ICA1L: variants seen among roughly 807,000 people sequenced by gnomAD.
ICA1L encodes islet cell autoantigen 1 like, also known as islet cell autoantigen 1-like protein.
Under a neutral mutation model 61.3 loss-of-function variants are expected in ICA1L, and 50 were observed. That is an observed-to-expected ratio of 0.82 (90% CI 0.65 to 1.03). ICA1L has a LOEUF of 1.03. ICA1L is among the 50% of genes least tolerant of loss of function. The pLI, the probability that ICA1L is intolerant of heterozygous loss-of-function variation, is 0.00. For synonymous variants in ICA1L, 161 were observed against 191.3 expected, an observed-to-expected ratio of 0.84 and a Z score of 1.31; for missense variants, 508 against 556.7, an observed-to-expected ratio of 0.91 and a Z score of 0.88.
chr2:202,803,380 G>A (rs1283866533), intron 9 of ICA1L, among the ~76,000 whole-genome samples: 48 of 123,338 alleles, frequency 3.9e-4, no homozygotes, highest in African/African-American at 1.2e-3. Flanking sequence ...CAGCCTGGGC[G>A]ACAGAGCAAG....
Position 202,821,475 on chromosome 2 carries a change from G to A in ICA1L, c.242C>T (p.Ser81Leu). 1 of 1,603,068 alleles carries A rather than the reference G, an allele frequency of 6.2e-7. No homozygotes were observed. Among genetic ancestry groups the A allele is most frequent in the Admixed American group, 1.7e-5 (1 of 58,042 alleles). ...EKYQLRLNVI[S>L]EEENELGLFL... ...GAGCCCTAGCTCATTTTCTTCCTCT[G>A]ATATAACTAGGAAAAAAATTACAGT... Residue 81 changes from serine to leucine, a missense_variant, in exon 4 of 13, where the codon TCA becomes TTA. Physicochemically the swap from Ser to Leu is moderately radical, Grantham distance 145. Coordinates refer to ENST00000358299, the MANE Select transcript of ICA1L (RefSeq NM_001288622.3).
chr2:202,798,855 A>G (rs898113890), intron 9 of ICA1L, among the ~76,000 whole-genome samples: 1 of 152,172 alleles, frequency 6.6e-6, no homozygotes, highest in Non-Finnish European at 1.5e-5. Context: ...GCTCCCACAT[A>G]TAAGTGAGAA....
chr2:202,815,374 G>A (rs1435593303), intron 7 of ICA1L, among the ~76,000 whole-genome samples: 1 of 152,104 alleles, frequency 6.6e-6, no homozygotes, highest in Non-Finnish European at 1.5e-5. Flanking sequence ...AAGCTTTACT[G>A]AAAATATGGC....
In ICA1L at chr2:202,776,440, A is replaced by G. The variant is rs1296324998; in HGVS notation, c.*3093T>C. The G allele has an allele frequency of 2.0e-5, 3 of 152,206 alleles. No individual in the cohort carries two copies. Among genetic ancestry groups the G allele is most frequent in the Admixed American group, 6.5e-5 (1 of 15,278 alleles). The allele number at this position is 152,206 out of a possible 1,614,324, so 9.4% of individuals were successfully genotyped here. ...AGCCTACCATTGGTTAAGGATAATT[A>G]ATTTACTTCTTATTGAATGGATTAT... On this transcript the variant is annotated 3_prime_UTR_variant, in exon 13 of 13. Transcript: ENST00000358299.
intron 1 of ICA1L, among the ~76,000 whole-genome samples, chr2:202,846,256 C>CTTT (rs145953471): frequency 8.1e-5 from 12 of 147,972 alleles, no homozygotes; most frequent in South Asian, 2.1e-4. Flanking sequence ...TTCTTTCTTT[C>CTTT]TTTTTTTTTT....
intron 11 of ICA1L, 110 bp downstream of exon 11, chr2:202,788,720 G>A (rs1692661636): frequency 5.5e-6 from 6 of 1,091,188 alleles, no homozygotes; most frequent in African/African-American, 1.6e-5. Flanking sequence ...ATCTAGTAGT[G>A]CTGACATTAA....
chr2:202,841,492 G>C (rs920603868), intron 1 of ICA1L: 16 of 776,536 alleles, frequency 2.1e-5, no homozygotes, highest in Non-Finnish European at 3.0e-5. Flanking sequence ...GTTGTTGAGG[G>C]TCCTTCTCCT....
chr2:202,822,733 T>A (rs1693732989), intron 3 of ICA1L, among the ~76,000 whole-genome samples: 1 of 152,200 alleles, frequency 6.6e-6, no homozygotes, highest in Non-Finnish European at 1.5e-5. Flanking sequence ...GAAAGGGAAG[T>A]GTCTGGCTAC....
rs776459487 is a variant in ICA1L at position 202,788,856 on chromosome 2, C to G, written c.1217G>C (p.Gly406Ala). ...RFLPSQLFDL[G>A]FHVAGAFNNW... ...GTTGAACGCTCCAGCCACATGAAAGCCAAGGTCAAAGAGTTGTGAAGGAAG... is the reference window on the plus strand; with the variant it reads ...GTTGAACGCTCCAGCCACATGAAAGGCAAGGTCAAAGAGTTGTGAAGGAAG... The change falls in exon 11 of 13, where the codon GGC becomes GCC. Residue 406 changes from glycine (G) to alanine (A), a missense_variant. Transcript: ENST00000358299. 1.2e-6 allele frequency: 2 copies of G among 1,613,994 alleles called. No homozygotes were observed. The highest frequency in any genetic ancestry group is 2.2e-5 in the South Asian group (2 of 91,064).
intron 9 of ICA1L, among the ~76,000 whole-genome samples, chr2:202,798,802 A>G (rs1693011405): frequency 6.6e-6 from 1 of 152,072 alleles, no homozygotes; most frequent in Non-Finnish European, 1.5e-5. Context: ...CCAGTCTTTT[A>G]TCTATTTTTC....
At chr2:202,841,858 C>CT in intron 1 of ICA1L, 8 of 249,234 alleles carry the variant, frequency 3.2e-5, no homozygotes, top group East Asian at 2.1e-4. Flanking sequence ...GCTTCTTGGT[C>CT]TATTTTTTTT....
chr2:202,864,000 T>C (rs1205638892), intron 1 of ICA1L, among the ~76,000 whole-genome samples: 1 of 152,178 alleles, frequency 6.6e-6, no homozygotes, highest in Non-Finnish European at 1.5e-5. Context: ...GAAAGAATCA[T>C]CCATATTATC....
intron 9 of ICA1L, among the ~76,000 whole-genome samples, chr2:202,807,683 C>A (rs144505847): frequency 6.6e-6 from 1 of 151,952 alleles, no homozygotes; most frequent in African/African-American, 2.4e-5. Context: ...CAATCCCAGG[C>A]AGTGCAGCTT....
rs1692673481 is a variant in ICA1L, at chr2:202,789,095, G to A, written c.986-8C>T. The A allele has an allele frequency of 1.3e-6, 2 of 1,589,720 alleles. No homozygotes were observed. Among genetic ancestry groups the A allele is most frequent in the African/African-American group, 1.4e-5 (1 of 73,140 alleles). ...CAGGTAGATCTTTTGCAACTATTGA[G>A]TGTAAATAAAAACAGAAAGGCTTTT... On this transcript the variant is annotated splice_region_variant and splice_polypyrimidine_tract_variant and intron_variant, in intron 10 of 12. Transcript: ENST00000358299.
At position 202,812,572 on chromosome 2, in the gene ICA1L, G is replaced by A. The variant is rs902350129; in HGVS notation, c.867-783C>T. Among the ~76,000 whole-genome samples the A allele has an allele frequency of 4.0e-5, 6 of 151,458 alleles. No homozygotes were observed. In the South Asian group the frequency reaches 6.2e-4, roughly 16 times the overall value. On this transcript the variant is annotated intron_variant, in intron 8 of 12. Coordinates refer to ENST00000358299, the MANE Select transcript of ICA1L (RefSeq NM_001288622.3). ...AGCCTGGGTGACAGGGCAAGACTCC[G>A]TCTCAAACAAAAAAAAAAAGAAATT...
In ICA1L at chr2:202,849,592, T is replaced by C. The variant is rs1032473580; in HGVS notation, c.-7-20576A>G. On this transcript the variant is annotated intron_variant, in intron 1 of 12. Transcript: ENST00000358299. This position sits in a 1 kb window ranked among gnomAD's most constrained non-coding sequence, Gnocchi z 4.5. ...ACTGCCTCTCTAGACTCCTCCTCAC[T>C]GGGCAGGGCATCTCTGAAAGAAAGG... is the stretch of plus-strand genomic sequence containing the variant. 3.3e-5 allele frequency among the ~76,000 whole-genome samples: 5 copies of C among 152,292 alleles called. No individual in the cohort carries two copies. The highest frequency in any genetic ancestry group is 6.5e-5 in the Admixed American group (1 of 15,294).
intron 5 of ICA1L, among the ~76,000 whole-genome samples, chr2:202,818,819 G>A (rs940275365): frequency 6.6e-6 from 1 of 152,050 alleles, no homozygotes; most frequent in Non-Finnish European, 1.5e-5. Flanking sequence ...CCCAGTCTTG[G>A]GTATGTCTTT....
rs1046769644 is a variant in ICA1L at position 202,774,550 on chromosome 2, A to G, written c.*4983T>C. On this transcript the variant is annotated 3_prime_UTR_variant, in exon 13 of 13. Transcript: ENST00000358299. ...ATCACAGGAGAGACACAGGAAAAAA[A>G]GTTGTAATATACTCACAGGTCCTAG... 1 of 397,340 alleles carries G rather than the reference A, an allele frequency of 2.5e-6. No homozygotes were observed. Among genetic ancestry groups the G allele is most frequent in the African/African-American group, 2.2e-5 (1 of 46,270 alleles). The allele number at this position is 397,340 out of a possible 1,614,324, so 24.6% of individuals were successfully genotyped here.
At chr2:202,807,510 G>A (rs546737777) in intron 9 of ICA1L, among the ~76,000 whole-genome samples, 1 of 152,312 alleles carries the variant, frequency 6.6e-6, no homozygotes, top group Admixed American at 6.5e-5. Context: ...GCACTCTGGG[G>A]TTCCAAATAA....
Sources: allele counts gnomAD v4.1 joint callset (sites outside exome capture counted in the v4.1 genomes callset), GRCh38; gene constraint gnomAD v4.1.1; non-coding constraint Gnocchi (gnomAD v3.1); transcripts MANE v1.5; gene names NCBI Gene and HGNC (gene_info 2026-07-23, HGNC 2026-07-21).